LAPTM4B: variants seen among roughly 807,000 people sequenced by gnomAD.
LAPTM4B encodes lysosomal-associated transmembrane protein 4B.
LAPTM4B carries 26 observed loss-of-function variants against 28.5 expected under a neutral mutation model. The observed-to-expected ratio is 0.91, with a 90% CI of 0.67 to 1.27. The LOEUF is 1.27. LAPTM4B is among the 50% of genes most tolerant of loss of function. The pLI is 0.00. For missense variants in LAPTM4B, 288 were observed against 285.8 expected (o/e 1.01, Z -0.06); for synonymous variants, 109 against 106.4 (o/e 1.02, Z -0.15).
chr8:97,822,887 G>C (rs962545601), intron 5 of LAPTM4B, among the ~76,000 whole-genome samples: 2 of 151,706 alleles, frequency 1.3e-5, no homozygotes, highest in African/African-American at 4.8e-5. Context: ...TGTCACCCAG[G>C]CTGGAGTGCA....
At chr8:97,802,811 A>G (rs889325085) in intron 1 of LAPTM4B, among the ~76,000 whole-genome samples, 3 of 152,148 alleles carry the variant, frequency 2.0e-5, no homozygotes, top group Non-Finnish European at 2.9e-5. Context: ...AGTTATATGT[A>G]TATGTATACT....
At chr8:97,800,187 A>G (rs935100209) in intron 1 of LAPTM4B, among the ~76,000 whole-genome samples, 2 of 152,128 alleles carry the variant, frequency 1.3e-5, no homozygotes, top group African/African-American at 4.8e-5. Context: ...GCTATATATG[A>G]TCAGTAGACT....
chr8:97,845,236 G>A (rs754598062), intron 6 of LAPTM4B, among the ~76,000 whole-genome samples: 1 of 152,040 alleles, frequency 6.6e-6, no homozygotes, highest in Admixed American at 6.6e-5. Context: ...TTGCCTTTGC[G>A]AATTTATGAT....
At chr8:97,800,827 T>C (rs1379177855) in intron 1 of LAPTM4B, among the ~76,000 whole-genome samples, 1 of 151,990 alleles carries the variant, frequency 6.6e-6, no homozygotes, top group Non-Finnish European at 1.5e-5. Flanking sequence ...TAGAATAAAA[T>C]ACAAAGTCAG....
chr8:97,849,177 A>G (rs1424747314), intron 6 of LAPTM4B, among the ~76,000 whole-genome samples: 4 of 151,996 alleles, frequency 2.6e-5, no homozygotes, highest in Non-Finnish European at 5.9e-5. Context: ...CATCCTCTTT[A>G]CTGCACACCT....
chr8:97,776,003 C>G lies in LAPTM4B; in HGVS notation c.-7C>G, dbSNP rs1373127018. 3 of 1,571,800 alleles carry G rather than the reference C, an allele frequency of 1.9e-6. No individual in the cohort carries two copies. The highest frequency in any genetic ancestry group is 8.6e-7 in the Non-Finnish European group (1 of 1,164,728). ...GCGCGCGCGCTCGCGCCACTGCGCC[C>G]GGAGCGATGAAGATGGTCGCGCCCT... On this transcript the variant is annotated 5_prime_UTR_variant, in exon 1 of 7. Coordinates refer to ENST00000521545, the MANE Select transcript of LAPTM4B (RefSeq NM_018407.6).
chr8:97,835,530 C>G (rs545231044), intron 6 of LAPTM4B, among the ~76,000 whole-genome samples: 1 of 152,278 alleles, frequency 6.6e-6, no homozygotes, highest in South Asian at 2.1e-4. Context: ...CACCCTTAGG[C>G]CATTGAGATA....
intron 5 of LAPTM4B, among the ~76,000 whole-genome samples, chr8:97,821,673 ATT>A (rs1817005988): frequency 6.6e-6 from 1 of 152,174 alleles, no homozygotes. Context: ...GATGCAATCA[ATT>A]TGTGATCTTG....
chr8:97,814,400 G>A (rs1339838091), intron 2 of LAPTM4B, among the ~76,000 whole-genome samples: 1 of 152,100 alleles, frequency 6.6e-6, no homozygotes, highest in Non-Finnish European at 1.5e-5. Context: ...CAGGTACCTA[G>A]GGGGTGAGGT....
At chr8:97,795,820 A>G (rs12542877) in intron 1 of LAPTM4B, among the ~76,000 whole-genome samples, 68,343 of 145,576 alleles carry the variant, frequency 0.47, 16,707 homozygotes, top group African/African-American at 0.59. Context: ...CTCAGCGACA[A>G]AGTGAGACTC....
intron 6 of LAPTM4B, among the ~76,000 whole-genome samples, chr8:97,833,032 T>C (rs1382063588): frequency 6.6e-6 from 1 of 150,742 alleles, no homozygotes; most frequent in Non-Finnish European, 1.5e-5. Flanking sequence ...TGTTAAAAGA[T>C]ATTTACAAAA....
rs1257950777 is a variant in LAPTM4B at position 97,852,885 on chromosome 8, TAAC to T, written c.*1414_*1416del. ...TTTTGCTCAAGTAATTACTATGAAA[TAAC>T]AATTTCTAGAAATGAAGAACAATCC... is the stretch of plus-strand genomic sequence containing the variant. On this transcript the variant is annotated 3_prime_UTR_variant, in exon 7 of 7. Transcript: ENST00000521545. 3 of 395,360 alleles carry T rather than the reference TAAC, an allele frequency of 7.6e-6. No homozygotes were observed. Among genetic ancestry groups the T allele is most frequent in the East Asian group, 9.8e-5 (2 of 20,410 alleles). 24.5% of individuals were successfully genotyped at this position (395,360 alleles called of 1,614,324 possible). A position where few individuals can be genotyped will look rare whatever the true frequency, so the allele number is the denominator to read the frequency against.
rs878907573 is a variant in LAPTM4B at position 97,805,523 on chromosome 8, TATTAA to T, written c.211+64_211+68del. ...AGGGAATCTGACTGCCAGCACTTCC[TATTAA>T]ATTACAAATATAGACTCGTGAGTTC... On this transcript the variant is annotated intron_variant, in intron 2 of 6. Coordinates refer to ENST00000521545, the MANE Select transcript of LAPTM4B (RefSeq NM_018407.6). 14 of 914,608 alleles carry T rather than the reference TATTAA, an allele frequency of 1.5e-5. No individual in the cohort carries two copies. In the South Asian group the frequency reaches 1.6e-4, roughly 11 times the overall value. 56.7% of individuals were successfully genotyped at this position (914,608 alleles called of 1,614,324 possible). A position where few individuals can be genotyped will look rare whatever the true frequency, so the allele number is the denominator to read the frequency against.
At chr8:97,838,519 G>A (rs1872018) in intron 6 of LAPTM4B, among the ~76,000 whole-genome samples, 52,571 of 152,080 alleles carry the variant, frequency 0.35, 10,989 homozygotes, top group Middle Eastern at 0.5. Context: ...TGTTGCAAAA[G>A]AGGAAACTGA....
chr8:97,835,062 C>A (rs373075051), intron 6 of LAPTM4B, among the ~76,000 whole-genome samples: 4 of 152,308 alleles, frequency 2.6e-5, no homozygotes, highest in African/African-American at 9.6e-5. Context: ...CTGTCATTTT[C>A]CCTGGTCTCC....
rs114779553 is a variant in LAPTM4B, at chr8:97,803,833, G to T, written c.100-1520G>T. Among the ~76,000 whole-genome samples the T allele has an allele frequency of 6.1e-3, 929 of 152,032 alleles. 7 individuals are homozygous for T. Among genetic ancestry groups the T allele is most frequent in the African/African-American group, 0.021 (876 of 41,476 alleles). On this transcript the variant is annotated intron_variant, in intron 1 of 6. Coordinates refer to ENST00000521545, the MANE Select transcript of LAPTM4B (RefSeq NM_018407.6). The stretch of plus-strand genomic sequence containing the variant: ...GCTCATTTTCTTGTTTGTTGAGATG[G>T]GGTCTCACTGTGTTGCCCAGGCTTG...
intron 6 of LAPTM4B, among the ~76,000 whole-genome samples, chr8:97,832,612 C>T (rs536924693): frequency 3.9e-5 from 6 of 152,044 alleles, no homozygotes; most frequent in East Asian, 3.9e-4. Flanking sequence ...TAATCCACTC[C>T]GAAATATCAG....
intron 1 of LAPTM4B, among the ~76,000 whole-genome samples, chr8:97,796,651 C>G (rs192418681): frequency 6.6e-6 from 1 of 152,052 alleles, no homozygotes. Context: ...TAGAAATGTC[C>G]GGGCACGTCC....
intron 6 of LAPTM4B, among the ~76,000 whole-genome samples, chr8:97,837,194 A>ATT (rs1817274787): frequency 8.5e-6 from 1 of 118,114 alleles, no homozygotes. Context: ...TCCTCCTGCC[A>ATT]CTTTTTTTTT....
Sources: gnomAD v4.1 joint callset for allele counts (sites outside exome capture counted in the v4.1 genomes callset) on GRCh38, gnomAD v4.1.1 for gene constraint, MANE v1.5 for transcripts, NCBI Gene and HGNC (gene_info 2026-07-23, HGNC 2026-07-21) for gene names.